The following LMX1A variants were observed in gnomAD, a reference collection of about 807,000 sequenced individuals.
LMX1A encodes the protein LIM homeobox transcription factor 1 alpha.
A neutral mutation model predicts 49.1 loss-of-function variants in LMX1A; 15 were observed. That is an observed-to-expected ratio of 0.31 (90% CI 0.20 to 0.47). The LOEUF (loss-of-function observed/expected upper bound fraction) is 0.47, where lower values mean the gene tolerates loss of function less well. LMX1A is among the 20% of genes least tolerant of loss of function. The probability of loss-of-function intolerance (pLI) is 1.00; values close to 1 mark genes in which losing one functional copy is unlikely to be tolerated. For synonymous variants in LMX1A, 167 were observed against 185.7 expected, an observed-to-expected ratio of 0.90 and a Z score of 0.82; for missense variants, 372 against 475.8, an observed-to-expected ratio of 0.78 and a Z score of 2.03.
chr1:165,287,660 C>CTTAA (rs540658317), intron 3 of LMX1A, among the ~76,000 whole-genome samples: 10 of 151,930 alleles, frequency 6.6e-5, no homozygotes, highest in Non-Finnish European at 1.5e-4. Context: ...GTGAGCCATG[C>CTTAA]TTAATACAGA....
intron 4 of LMX1A, among the ~76,000 whole-genome samples, chr1:165,220,047 C>T (rs1651782525): frequency 6.6e-6 from 1 of 152,082 alleles, no homozygotes; most frequent in Admixed American, 6.5e-5. Context: ...CATAAAATAC[C>T]TAATGACATG....
At chr1:165,258,847 A>G (rs943654100) in intron 3 of LMX1A, among the ~76,000 whole-genome samples, 7 of 152,182 alleles carry the variant, frequency 4.6e-5, no homozygotes, top group Non-Finnish European at 8.8e-5. Flanking sequence ...ATCTGATTAA[A>G]CCTGTATTCA....
intron 4 of LMX1A, among the ~76,000 whole-genome samples, chr1:165,221,538 A>G (rs1389740148): frequency 6.6e-6 from 1 of 152,146 alleles, no homozygotes; most frequent in African/African-American, 2.4e-5. Context: ...CCGTAGGTAA[A>G]GTGTCCCAAG....
Position 165,355,468 on chromosome 1 carries a change from C to T in LMX1A, c.76+16G>A. 2 of 1,613,042 alleles carry T rather than the reference C, an allele frequency of 1.2e-6. No homozygotes were observed. The highest frequency in any genetic ancestry group is 2.2e-5 in the East Asian group (1 of 44,844). On this transcript the variant is annotated intron_variant, in intron 2 of 8. Coordinates refer to ENST00000342310, the MANE Select transcript of LMX1A (RefSeq NM_177398.4). This position sits in a 1 kb window ranked among gnomAD's most constrained non-coding sequence, Gnocchi z 4.7. ...GGAAAGAGAGTGCGCCCAGGACGCA[C>T]GGCCTGAACACTCACCCAGCAGCGA...
chr1:165,338,971 C>A (rs952526154), intron 3 of LMX1A, among the ~76,000 whole-genome samples: 3 of 152,234 alleles, frequency 2.0e-5, no homozygotes, highest in Non-Finnish European at 2.9e-5. Context: ...ACAATTAATT[C>A]TCCACCATTG....
chr1:165,237,362 T>A (rs1277020071), intron 4 of LMX1A, among the ~76,000 whole-genome samples: 1 of 152,222 alleles, frequency 6.6e-6, no homozygotes, highest in East Asian at 1.9e-4. Context: ...TAGCTGGGAC[T>A]ACAGGTGCCC....
At chr1:165,270,751 C>T (rs1412459595) in intron 3 of LMX1A, among the ~76,000 whole-genome samples, 1 of 152,102 alleles carries the variant, frequency 6.6e-6, no homozygotes, top group African/African-American at 2.4e-5. Context: ...ATAGGGATAA[C>T]TTGAACAAAG....
chr1:165,209,681 G>A (rs991364421), intron 6 of LMX1A, among the ~76,000 whole-genome samples: 2 of 152,248 alleles, frequency 1.3e-5, no homozygotes, highest in African/African-American at 4.8e-5. Flanking sequence ...CCCATTTCTC[G>A]CCATATGCAT....
At chr1:165,275,793 T>A (rs1653945631) in intron 3 of LMX1A, among the ~76,000 whole-genome samples, 1 of 151,944 alleles carries the variant, frequency 6.6e-6, no homozygotes, top group Non-Finnish European at 1.5e-5. Context: ...CTGGGAGGAC[T>A]GTGCTCTCAT....
At chr1:165,214,274 C>G (rs1406058693) in intron 4 of LMX1A, among the ~76,000 whole-genome samples, 2 of 152,218 alleles carry the variant, frequency 1.3e-5, no homozygotes, top group African/African-American at 4.8e-5. Flanking sequence ...TTCTCTCCTG[C>G]TTTGCCATGT....
intron 3 of LMX1A, among the ~76,000 whole-genome samples, chr1:165,269,064 G>A (rs931238998): frequency 6.6e-6 from 1 of 152,184 alleles, no homozygotes; most frequent in African/African-American, 2.4e-5. Flanking sequence ...GCTACCCAGA[G>A]ATGGATTTCC....
At chr1:165,326,047 C>T (rs1655569629) in intron 3 of LMX1A, among the ~76,000 whole-genome samples, 1 of 151,950 alleles carries the variant, frequency 6.6e-6, no homozygotes, top group South Asian at 2.1e-4. Flanking sequence ...AATATTGGAG[C>T]TCGTGCAGCC....
rs189354668 is a variant in LMX1A at position 165,247,376 on chromosome 1, G to T, written c.496+2032C>A. ...TTTTGAGGAGGAAGCCTAAGAGGGC[G>T]GACACAGCAAGATACCTGGAGGAAA... On this transcript the variant is annotated intron_variant, in intron 4 of 8. Coordinates refer to ENST00000342310, the MANE Select transcript of LMX1A (RefSeq NM_177398.4). Among the ~76,000 whole-genome samples the T allele has an allele frequency of 6.2e-4, 94 of 152,088 alleles. 1 individual carries two copies. The East Asian group carries it at 0.016, about 25-fold the overall frequency.
chr1:165,330,969 G>A (rs1337095793), intron 3 of LMX1A, among the ~76,000 whole-genome samples: 1 of 152,148 alleles, frequency 6.6e-6, no homozygotes, highest in African/African-American at 2.4e-5. Context: ...CTCACCACAG[G>A]GAAGAAAGAG....
At position 165,203,679 on chromosome 1, in the gene LMX1A, G is replaced by A. The variant is rs370020304; in HGVS notation, c.*201C>T. ...ATATCTAATGCTAAGACTCTTATTA[G>A]AAACATTAAACTATGCAATCCATAA... On this transcript the variant is annotated 3_prime_UTR_variant, in exon 9 of 9. Coordinates refer to ENST00000342310, the MANE Select transcript of LMX1A (RefSeq NM_177398.4). 1 of 462,702 alleles carries A rather than the reference G, an allele frequency of 2.2e-6. No homozygotes were observed. Among genetic ancestry groups the A allele is most frequent in the East Asian group, 3.1e-5 (1 of 32,420 alleles). The allele number at this position is 462,702 out of a possible 1,614,324, so 28.7% of individuals were successfully genotyped here. A position where few individuals can be genotyped will look rare whatever the true frequency, so the allele number is the denominator to read the frequency against.
chr1:165,352,711 G>A (rs1656468791), intron 3 of LMX1A, among the ~76,000 whole-genome samples: 1 of 152,228 alleles, frequency 6.6e-6, no homozygotes, highest in Non-Finnish European at 1.5e-5. Flanking sequence ...CAACCCGCAG[G>A]GCACCCCGGT....
At chr1:165,237,685 A>C (rs1317693628) in intron 4 of LMX1A, among the ~76,000 whole-genome samples, 1 of 152,226 alleles carries the variant, frequency 6.6e-6, no homozygotes, top group Non-Finnish European at 1.5e-5. Flanking sequence ...AGTTTCGAAT[A>C]TAATTTTACA....
In LMX1A at chr1:165,232,412, A is replaced by C. The variant is rs542524422; in HGVS notation, c.496+16996T>G. Among the ~76,000 whole-genome samples the C allele has an allele frequency of 2.0e-5, 3 of 152,320 alleles. No homozygotes were observed. In the South Asian group the frequency reaches 6.2e-4, roughly 32 times the overall value. ...TGAAGGGAAAACCAGGGCTCAATGG[A>C]TCTCCCTTACATGTAATATGGAATA... On this transcript the variant is annotated intron_variant, in intron 4 of 8. Coordinates refer to ENST00000342310, the MANE Select transcript of LMX1A (RefSeq NM_177398.4).
chr1:165,323,483 T>A (rs1655481100), intron 3 of LMX1A, among the ~76,000 whole-genome samples: 1 of 152,316 alleles, frequency 6.6e-6, no homozygotes, highest in Admixed American at 6.5e-5. Flanking sequence ...ATCACTGCCA[T>A]GACATCATTG....
Sources: allele counts gnomAD v4.1 joint callset (sites outside exome capture counted in the v4.1 genomes callset), GRCh38; gene constraint gnomAD v4.1.1; non-coding constraint Gnocchi (gnomAD v3.1); transcripts MANE v1.5; gene names NCBI Gene and HGNC (gene_info 2026-07-23, HGNC 2026-07-21).